Variants in NOL6 observed in about 807,000 individuals in gnomAD.
NOL6 encodes nucleolar protein 6.
Under a neutral mutation model 131.7 loss-of-function variants are expected in NOL6, and 33 were observed. That is an observed-to-expected ratio of 0.25 (90% CI 0.19 to 0.33). NOL6 has a LOEUF of 0.33. Among genes scored for constraint, NOL6 ranks in the 10% least tolerant of loss-of-function variants. The probability of loss-of-function intolerance (pLI) is 1.00; values close to 1 mark genes in which losing one functional copy is unlikely to be tolerated. For synonymous variants in NOL6, 580 were observed against 605.7 expected, an observed-to-expected ratio of 0.96 and a Z score of 0.62; for missense variants, 1,297 against 1,494.5, an observed-to-expected ratio of 0.87 and a Z score of 2.18.
In NOL6 at chr9:33,462,349, C is replaced by T. The variant is rs887763266; in HGVS notation, c.*315G>A. ...GAAGACTAAGAAAGGAGTGGGAAAT[C>T]GCAGGGAGGTCCAGGCCCAGGGCTA... On this transcript the variant is annotated 3_prime_UTR_variant, in exon 26 of 26. Coordinates refer to ENST00000297990, the MANE Select transcript of NOL6 (RefSeq NM_022917.5). The T allele has an allele frequency of 1.8e-5, 12 of 663,026 alleles. No individual in the cohort carries two copies. The highest frequency in any genetic ancestry group is 8.4e-5 in the South Asian group (5 of 59,322). The allele number at this position is 663,026 out of a possible 1,614,324, so 41.1% of individuals were successfully genotyped here. A position where few individuals can be genotyped will look rare whatever the true frequency, so the allele number is the denominator to read the frequency against.
rs543954659 is a variant in NOL6 at position 33,471,950 on chromosome 9, A to AC, written c.378+53dup. ...TAACAGCAAGGCCCCTGTTTGATAT[A>AC]CCCCCACTGGAGGTCTCTCTTGGGC... On this transcript the variant is annotated intron_variant, in intron 3 of 25. Coordinates refer to ENST00000297990, the MANE Select transcript of NOL6 (RefSeq NM_022917.5). The AC allele has an allele frequency of 3.3e-4, 402 of 1,222,812 alleles. 1 individual carries two copies. In the African/African-American group the frequency reaches 5.1e-3, roughly 16 times the overall value. The allele number at this position is 1,222,812 out of a possible 1,614,324, so 75.7% of individuals were successfully genotyped here. A position where few individuals can be genotyped will look rare whatever the true frequency, so the allele number is the denominator to read the frequency against.
intron 3 of NOL6, chr9:33,470,430 C>A (rs533954898): frequency 1.1e-5 from 3 of 284,332 alleles, no homozygotes; most frequent in Non-Finnish European, 1.3e-5. Context: ...TGGTGGCTCA[C>A]GCCTGTAATC....
chr9:33,468,995 A>G lies in NOL6; in HGVS notation c.989T>C (p.Leu330Pro). The part of the protein sequence containing the change: ...SAQGLKDGVA[L>P]LKVWLRQREL... ...CCGCTGCCGCAGCCAGACCTTCAGA[A>G]GTGCCACGCCATCCTTCAGGCCCTG... Residue 330 changes from leucine to proline, a missense_variant, in exon 7 of 26, where the codon CTT becomes CCT. Coordinates refer to ENST00000297990, the MANE Select transcript of NOL6 (RefSeq NM_022917.5). 1 of 1,614,172 alleles carries G rather than the reference A, an allele frequency of 6.2e-7. No homozygotes were observed. The highest frequency in any genetic ancestry group is 8.5e-7 in the Non-Finnish European group (1 of 1,180,024).
chr9:33,472,041 T>C lies in NOL6; in HGVS notation c.341A>G (p.Gln114Arg), dbSNP rs114417829. The C allele has an allele frequency of 3.7e-5, 59 of 1,612,910 alleles. 2 individuals carry two copies. In the South Asian group the frequency reaches 5.9e-4, roughly 16 times the overall value. Residue 114 changes from glutamine (Q) to arginine (R), a missense_variant, in exon 3 of 26, where the codon CAG becomes CGG. Transcript: ENST00000297990. ...RIDAFLREVNQRVVRVPSVPE... is the reference protein window; with the variant it reads ...RIDAFLREVNRRVVRVPSVPE... ...GACTGAGGGCACCCTCACAACCCGCTGGTTGACCTCCCGTAGGAAGGCATC... is the reference window on the plus strand; with the variant it reads ...GACTGAGGGCACCCTCACAACCCGCCGGTTGACCTCCCGTAGGAAGGCATC...
At chr9:33,466,489 T>A (rs1013042732) in intron 16 of NOL6, 64 bp from the exon 17 acceptor site, 10 of 1,609,950 alleles carry the variant, frequency 6.2e-6, no homozygotes, top group Non-Finnish European at 3.4e-6. Context: ...GAGTCAGGAG[T>A]TGGAAGTGGG....
intron 15 of NOL6, 93 bp downstream of exon 15, chr9:33,466,819 T>A (rs1411967048): frequency 6.4e-6 from 10 of 1,572,496 alleles, no homozygotes; most frequent in Middle Eastern, 1.7e-4. Flanking sequence ...CTGCTGGACA[T>A]GCCAGGAAGT....
intron 23 of NOL6, 79 bp from the exon 24 acceptor site, chr9:33,463,520 C>T: frequency 7.5e-7 from 1 of 1,339,134 alleles, no homozygotes; most frequent in Non-Finnish European, 1.0e-6. Context: ...ACACGCCCAC[C>T]TTGGTTTCCT....
chr9:33,467,863 C>T lies in NOL6; in HGVS notation c.1430G>A (p.Arg477His), dbSNP rs779705744. 3.9e-5 allele frequency: 62 copies of T among 1,588,626 alleles called. No homozygotes were observed. The highest frequency in any genetic ancestry group is 5.0e-5 in the Non-Finnish European group (58 of 1,166,736). ...CGCTGCCTGCAGGCGACTCAGTGGACGGAGACTGGAGGGGTACAAAGGGCC... is the reference window on the plus strand; with the variant it reads ...CGCTGCCTGCAGGCGACTCAGTGGATGGAGACTGGAGGGGTACAAAGGGCC... ...IRAFDHVLHL[R>H]PLSRLQAACH... Residue 477 changes from arginine to histidine, a missense_variant, in exon 12 of 26, where the codon CGT (arginine) becomes CAT (histidine). Coordinates refer to ENST00000297990, the MANE Select transcript of NOL6 (RefSeq NM_022917.5). This position sits in a 1 kb window ranked among gnomAD's most constrained non-coding sequence, Gnocchi z 4.4.
In NOL6 at chr9:33,462,016, C is replaced by G; in HGVS notation, c.*648G>C. 1.6e-6 allele frequency: 1 copy of G among 640,560 alleles called. No individual in the cohort carries two copies. The highest frequency in any genetic ancestry group is 2.9e-6 in the Non-Finnish European group (1 of 343,636). 39.7% of individuals were successfully genotyped at this position (640,560 alleles called of 1,614,324 possible). A position where few individuals can be genotyped will look rare whatever the true frequency, so the allele number is the denominator to read the frequency against. On this transcript the variant is annotated 3_prime_UTR_variant, in exon 26 of 26. Coordinates refer to ENST00000297990, the MANE Select transcript of NOL6 (RefSeq NM_022917.5). ...CACCTCTCCAAGATTGGGTGACTAC[C>G]AGTCCCCTGACCCCTTCACCTACCC...
Position 33,469,272 on chromosome 9 carries a change from C to G in NOL6, c.797G>C (p.Arg266Pro). 1 of 1,614,188 alleles carries G rather than the reference C, an allele frequency of 6.2e-7. No homozygotes were observed. The highest frequency in any genetic ancestry group is 8.5e-7 in the Non-Finnish European group (1 of 1,180,040). The change falls in exon 6 of 26, where the codon CGC becomes CCC. Residue 266 changes from arginine to proline, a missense_variant. By Grantham distance (103) the Arg-to-Pro change is moderately radical (BLOSUM62 -2). Transcript: ENST00000297990. ...CPPPDFFRPC[R>P]LLPTKNNVRS... ...CACATTGTTCTTGGTTGGCAGCAAG[C>G]GGCACGGGCGGAAGAAGTCAGGTGG...
In NOL6 at chr9:33,462,743, G is replaced by A. The variant is rs1324617093; in HGVS notation, c.3362C>T (p.Ala1121Val). The A allele has an allele frequency of 6.2e-7, 1 of 1,614,030 alleles. No individual in the cohort carries two copies. The highest frequency in any genetic ancestry group is 1.7e-5 in the Admixed American group (1 of 59,996). The change falls in exon 26 of 26, where the codon GCA becomes GTA. Residue 1121 changes from alanine to valine, a missense_variant. Ala to Val is a moderately conservative substitution (Grantham distance 64, BLOSUM62 0). Coordinates refer to ENST00000297990, the MANE Select transcript of NOL6 (RefSeq NM_022917.5). Reference protein sequence around the residue: ...GELVMVPNVEAILEDFAVLGE... With the variant: ...GELVMVPNVEVILEDFAVLGE... The stretch of plus-strand genomic sequence containing the variant: ...CAGCACAGCAAAGTCCTCCAGGATT[G>A]CTTCAACATTGGGCACCATTACTAG...
At chr9:33,470,224 T>G (rs1827372377) in intron 3 of NOL6, 33 bp from the exon 4 acceptor site, 13 of 1,487,132 alleles carry the variant, frequency 8.7e-6, no homozygotes, top group Non-Finnish European at 1.1e-5. Flanking sequence ...ACATACTGAT[T>G]CAACTGCCTT....
intron 5 of NOL6, 71 bp from the exon 6 acceptor site, chr9:33,469,412 C>T: frequency 6.2e-7 from 1 of 1,608,912 alleles, no homozygotes; most frequent in South Asian, 1.1e-5. Flanking sequence ...TCCTGTCCCC[C>T]CATACTTGAG....
Position 33,467,852 on chromosome 9 carries a change from G to A in NOL6, c.1441C>T (p.Arg481Cys), listed in dbSNP as rs755882112. The A allele has an allele frequency of 2.1e-5, 34 of 1,591,366 alleles. No individual in the cohort carries two copies. The highest frequency in any genetic ancestry group is 2.6e-5 in the Non-Finnish European group (30 of 1,168,256). The change falls in exon 12 of 26, where the codon CGC becomes TGC. Residue 481 changes from arginine to cysteine, a missense_variant. By Grantham distance (180) the Arg-to-Cys change is radical (BLOSUM62 -3). Coordinates refer to ENST00000297990, the MANE Select transcript of NOL6 (RefSeq NM_022917.5). The surrounding 1 kb of genome is among the most constrained non-coding windows in gnomAD (Gnocchi z 4.4). ...AGCCGGTGGCACGCTGCCTGCAGGC[G>A]ACTCAGTGGACGGAGACTGGAGGGG... ...DHVLHLRPLSRLQAACHRLKL... is the reference protein window; with the variant it reads ...DHVLHLRPLSCLQAACHRLKL...
chr9:33,463,598 A>T (rs1277459337), intron 23 of NOL6, among the ~76,000 whole-genome samples, 157 bp from the exon 24 acceptor site: 24 of 152,022 alleles, frequency 1.6e-4, no homozygotes, highest in Admixed American at 1.6e-3. Context: ...AGACCCACAG[A>T]GCAAACAGCT....
intron 4 of NOL6, 113 bp downstream of exon 4, chr9:33,469,899 C>T: frequency 8.3e-7 from 1 of 1,210,254 alleles, no homozygotes; most frequent in Non-Finnish European, 1.1e-6. Flanking sequence ...GTCTGCTCTT[C>T]TGATTTAGAA....
chr9:33,473,402 T>C (rs752280923), intron 1 of NOL6, among the ~76,000 whole-genome samples: 10 of 152,172 alleles, frequency 6.6e-5, no homozygotes, highest in Non-Finnish European at 1.2e-4. Flanking sequence ...CCAGAGAGCC[T>C]TACTGGAGCG....
chr9:33,472,740 A>G (rs1827448170), intron 1 of NOL6: 3 of 381,526 alleles, frequency 7.9e-6, no homozygotes, highest in Non-Finnish European at 1.5e-5. Context: ...TGGGAGGTGG[A>G]GCTGGGCGGA....
intron 20 of NOL6, 79 bp downstream of exon 20, chr9:33,465,128 T>C (rs1284261874): frequency 6.6e-7 from 1 of 1,522,936 alleles, no homozygotes; most frequent in African/African-American, 1.4e-5. Context: ...CATTCCCATG[T>C]AGACTTAGGG....
Sources: allele counts gnomAD v4.1 joint callset (sites outside exome capture counted in the v4.1 genomes callset), GRCh38; gene constraint gnomAD v4.1.1; non-coding constraint Gnocchi (gnomAD v3.1); transcripts MANE v1.5; gene names NCBI Gene and HGNC (gene_info 2026-07-23, HGNC 2026-07-21).